The following ATM variants were observed in gnomAD, a reference collection of about 807,000 sequenced individuals.
The protein encoded by ATM is serine-protein kinase ATM.
Under a neutral mutation model 387.0 loss-of-function variants are expected in ATM, and 308 were observed. That is an observed-to-expected ratio of 0.80 (90% confidence interval 0.73 to 0.87). ATM has a LOEUF of 0.87. ATM is among the 40% of genes least tolerant of loss of function. ATM has a pLI of 0.00. For synonymous variants in ATM, 1,156 were observed against 1,187.3 expected (o/e 0.97, Z 0.54); for missense variants, 3,312 against 3,560.9 (o/e 0.93, Z 1.78).
At chr11:108,360,634 G>A (rs2090613834) in intron 61 of ATM, among the ~76,000 whole-genome samples, 2 of 149,608 alleles carry the variant, frequency 1.3e-5, no homozygotes, top group South Asian at 2.2e-4. Context: ...ATTCAAGGCT[G>A]GTTCAATATA....
intron 1 of ATM, chr11:108,225,105 T>C (rs2078671982): frequency 6.6e-6 from 1 of 152,218 alleles, no homozygotes; most frequent in African/African-American, 2.4e-5. Flanking sequence ...AAATCTTTAG[T>C]ATATTTAGGA....
Position 108,272,729 on chromosome 11 carries a change from C to G in ATM, c.3161C>G (p.Pro1054Arg), listed in dbSNP as rs1800057. The change falls in exon 22 of 63, where the codon CCT becomes CGT. Residue 1054 changes from proline (P) to arginine (R), a missense_variant. By Grantham distance (103) the Pro-to-Arg change is moderately radical. Coordinates refer to ENST00000675843, the MANE Select transcript of ATM (RefSeq NM_000051.4). ...NCLKTLLEAD[P>R]YSKWAILNVM... ...ACAGTTCTTTTCCCGTAGGCTGATC[C>G]TTATTCAAAATGGGCCATTCTTAAT... 0.022 allele frequency: 35,561 copies of G among 1,613,692 alleles called. 492 individuals carry two copies. Among genetic ancestry groups the G allele is most frequent in the Middle Eastern group, 0.032 (193 of 6,060 alleles).
chr11:108,352,756 T>C (rs2089365305), intron 59 of ATM, among the ~76,000 whole-genome samples: 1 of 152,170 alleles, frequency 6.6e-6, no homozygotes, highest in Non-Finnish European at 1.5e-5. Context: ...TTGATATACA[T>C]AACAATTTGG....
At chr11:108,236,091 A>G in intron 5 of ATM, 1 of 476,272 alleles carries the variant, frequency 2.1e-6, no homozygotes, top group East Asian at 4.0e-5. Flanking sequence ...TCCATCGTCA[A>G]GGAGTTGACA....
At chr11:108,276,526 G>A (rs2081958165) in intron 22 of ATM, among the ~76,000 whole-genome samples, 1 of 152,190 alleles carries the variant, frequency 6.6e-6, no homozygotes, top group South Asian at 2.1e-4. Flanking sequence ...TGATGTTGGT[G>A]ACTTTTGTAT....
intron 59 of ATM, among the ~76,000 whole-genome samples, chr11:108,351,265 A>AG (rs2089168946): frequency 6.6e-6 from 1 of 152,188 alleles, no homozygotes; most frequent in African/African-American, 2.4e-5. Context: ...AGTGACTGGT[A>AG]GGAGGGACTG....
At position 108,327,684 on chromosome 11, in the gene ATM, A is replaced by C. The variant is rs752531255; in HGVS notation, c.7015A>C (p.Arg2339=). Residue 2339 remains arginine, a synonymous_variant, in exon 48 of 63, where the codon AGG becomes CGG. Transcript: ENST00000675843. ...AAAACTTACATACACAGAATGTCTG[A>C]GGGTTTGTGGCAACTGGTTAGCAGA... ...SLKLTYTECL[R]VCGNWLAETC... is the part of the protein sequence containing the mutation. The C allele has an allele frequency of 1.2e-6, 2 of 1,614,050 alleles. No homozygotes were observed. The highest frequency in any genetic ancestry group is 2.2e-5 in the East Asian group (1 of 44,858).
At chr11:108,354,788 A>G (rs2089682692) in intron 60 of ATM, 23 bp from the exon 61 acceptor site, 1 of 1,604,638 alleles carries the variant, frequency 6.2e-7, no homozygotes. Context: ...CAAAATCCGT[A>G]TTTATAATGT....
intron 29 of ATM, chr11:108,290,068 AG>A (rs2082703107): frequency 6.1e-6 from 2 of 328,726 alleles, no homozygotes; most frequent in African/African-American, 4.2e-5. Context: ...CATATTGCCC[AG>A]GGTGGTCTCA....
intron 5 of ATM, among the ~76,000 whole-genome samples, chr11:108,242,514 A>G (rs1212467609): frequency 1.3e-5 from 2 of 152,208 alleles, no homozygotes; most frequent in Non-Finnish European, 2.9e-5. Context: ...TGTAGATGAC[A>G]TGATTGTCTA....
chr11:108,293,886 AAAAAAAAAATATATATATATAT>A (rs1203135338), intron 31 of ATM, among the ~76,000 whole-genome samples: 1 of 103,502 alleles, frequency 9.7e-6, no homozygotes, highest in Non-Finnish European at 2.0e-5. Flanking sequence ...TCAAAAAAAA[AAAAAAAAAATATATATATATAT>A]ATATATATAT....
chr11:108,251,751 T>G, intron 10 of ATM, 86 bp from the exon 11 acceptor site: 1 of 1,283,856 alleles, frequency 7.8e-7, no homozygotes, highest in Non-Finnish European at 1.1e-6. Flanking sequence ...CTTAACTAAA[T>G]GTATGTGCCA....
At chr11:108,335,343 A>AACATGTACAG in intron 55 of ATM, 1 of 1,350,090 alleles carries the variant, frequency 7.4e-7, no homozygotes, top group Non-Finnish European at 9.9e-7. Flanking sequence ...GAATACCATT[A>AACATGTACAG]ACATGTACAG....
At chr11:108,328,943 A>G (rs1438957721) in intron 48 of ATM, 78 bp from the exon 49 acceptor site, 14 of 1,395,294 alleles carry the variant, frequency 1.0e-5, no homozygotes, top group Non-Finnish European at 1.4e-5. Context: ...ATTTTAGTGT[A>G]TTACCTTAAT....
At chr11:108,251,732 T>C in intron 10 of ATM, 105 bp from the exon 11 acceptor site, 5 of 1,107,414 alleles carry the variant, frequency 4.5e-6, no homozygotes, top group Non-Finnish European at 6.8e-6. Context: ...TTTATGTTCA[T>C]TTAGTCACCT....
At chr11:108,358,225 C>T (rs878901896) in intron 61 of ATM, among the ~76,000 whole-genome samples, 8,393 of 150,586 alleles carry the variant, frequency 0.056, 753 homozygotes, top group African/African-American at 0.19. Context: ...TGAAATGAAG[C>T]GAGAAGGGAA....
At chr11:108,244,192 T>C (rs1354917439) in intron 6 of ATM, 74 bp downstream of exon 6, 2 of 1,527,964 alleles carry the variant, frequency 1.3e-6, no homozygotes, top group Non-Finnish European at 1.8e-6. Flanking sequence ...TTAGACTCAG[T>C]AACTAAAAAT....
At chr11:108,355,259 A>C (rs1172604380) in intron 61 of ATM, 1 of 240,124 alleles carries the variant, frequency 4.2e-6, no homozygotes, top group Non-Finnish European at 8.2e-6. Flanking sequence ...TTAGTCAGAC[A>C]AATGGAGATC....
chr11:108,338,837 A>G (rs905309450), intron 56 of ATM, among the ~76,000 whole-genome samples: 2 of 152,196 alleles, frequency 1.3e-5, no homozygotes, highest in African/African-American at 4.8e-5. Flanking sequence ...TTGTGTCATC[A>G]TTATGTTAAA....
Sources: gnomAD v4.1 joint callset for allele counts (sites outside exome capture counted in the v4.1 genomes callset) on GRCh38, gnomAD v4.1.1 for gene constraint, MANE v1.5 for transcripts, NCBI Gene and HGNC (gene_info 2026-07-23, HGNC 2026-07-21) for gene names.